MCC: variants seen among roughly 807,000 people sequenced by gnomAD.
MCC encodes the protein MCC regulator of Wnt signaling pathway.
In MCC, 90 loss-of-function variants were observed where a neutral mutation model predicts 116.2. The observed-to-expected ratio is 0.77, with a 90% CI of 0.65 to 0.92. MCC has a LOEUF of 0.92. MCC is among the 40% of genes least tolerant of loss of function. MCC has a pLI of 0.00. For missense variants in MCC, 1,516 were observed against 1,312.2 expected, an observed-to-expected ratio of 1.16 and a Z score of -2.40; for synonymous variants, 578 against 510.5, an observed-to-expected ratio of 1.13 and a Z score of -1.78.
At chr5:113,209,460 G>A (rs1763036009) in intron 3 of MCC, among the ~76,000 whole-genome samples, 1 of 152,168 alleles carries the variant, frequency 6.6e-6, no homozygotes, top group African/African-American at 2.4e-5. Flanking sequence ...GCCTACAGAG[G>A]AAATAGAAAG....
At chr5:113,208,264 G>A (rs939977796) in intron 3 of MCC, among the ~76,000 whole-genome samples, 1 of 152,104 alleles carries the variant, frequency 6.6e-6, no homozygotes, top group Non-Finnish European at 1.5e-5. Flanking sequence ...TTTGTAAGCT[G>A]GATAATTAGT....
At chr5:113,038,699 C>T (rs1751483523) in intron 17 of MCC, among the ~76,000 whole-genome samples, 1 of 151,942 alleles carries the variant, frequency 6.6e-6, no homozygotes, top group East Asian at 1.9e-4. Flanking sequence ...TGATCGATCA[C>T]ACTGACCAGA....
chr5:113,083,516 C>G (rs969280203), intron 10 of MCC, among the ~76,000 whole-genome samples: 2 of 152,206 alleles, frequency 1.3e-5, no homozygotes, highest in East Asian at 3.9e-4. Flanking sequence ...CTCTGAGGAT[C>G]AAATAGCTGG....
intron 17 of MCC, among the ~76,000 whole-genome samples, chr5:113,041,564 G>A (rs1222324687): frequency 6.6e-6 from 1 of 152,198 alleles, no homozygotes; most frequent in African/African-American, 2.4e-5. Context: ...GGTCAGATAC[G>A]CAGACTAGAG....
At position 113,243,290 on chromosome 5, in the gene MCC, A is replaced by G. The variant is rs556649052; in HGVS notation, c.628-91868T>C. Among the ~76,000 whole-genome samples, 10 of 152,300 alleles carry G rather than the reference A, an allele frequency of 6.6e-5. 1 individual carries two copies. In the South Asian group the frequency reaches 2.1e-3, roughly 32 times the overall value. ...CACATATAAATGGAAGGTAAAGACAAGATTATTTTATTAAAAGAAACAATT... is the reference window on the plus strand; with the variant it reads ...CACATATAAATGGAAGGTAAAGACAGGATTATTTTATTAAAAGAAACAATT... On this transcript the variant is annotated intron_variant, in intron 3 of 18. Coordinates refer to ENST00000408903, the MANE Select transcript of MCC (RefSeq NM_001085377.2).
intron 5 of MCC, among the ~76,000 whole-genome samples, chr5:113,126,772 G>T (rs1758075665): frequency 6.6e-6 from 1 of 152,182 alleles, no homozygotes; most frequent in African/African-American, 2.4e-5. Context: ...CAAGTCAACA[G>T]TAGACTATTA....
At chr5:113,291,533 C>T (rs189999522) in intron 3 of MCC, among the ~76,000 whole-genome samples, 547 of 152,298 alleles carry the variant, frequency 3.6e-3, no homozygotes, top group Non-Finnish European at 5.7e-3. Context: ...AGGATAATGG[C>T]AGGTATTTTC....
intron 3 of MCC, among the ~76,000 whole-genome samples, chr5:113,289,513 C>T (rs1365283667): frequency 6.6e-6 from 1 of 151,970 alleles, no homozygotes; most frequent in Non-Finnish European, 1.5e-5. Context: ...GCTGTTTTGA[C>T]CAACAGAACA....
intron 3 of MCC, among the ~76,000 whole-genome samples, chr5:113,261,017 T>C (rs1340751948): frequency 2.0e-5 from 3 of 152,204 alleles, no homozygotes; most frequent in Non-Finnish European, 2.9e-5. Context: ...TGATGAATTA[T>C]GTGGCCAATA....
chr5:113,358,025 TTC>T (rs1268078944), intron 2 of MCC, among the ~76,000 whole-genome samples: 2 of 152,194 alleles, frequency 1.3e-5, no homozygotes, highest in Non-Finnish European at 2.9e-5. Context: ...TTGCCTCCAT[TTC>T]TCACTCTGCC....
At chr5:113,134,341 G>A (rs1360439473) in intron 5 of MCC, among the ~76,000 whole-genome samples, 1 of 152,082 alleles carries the variant, frequency 6.6e-6, no homozygotes, top group Non-Finnish European at 1.5e-5. Flanking sequence ...TTCCCCCATT[G>A]TATGTTCTTG....
intron 3 of MCC, among the ~76,000 whole-genome samples, chr5:113,295,172 T>TA (rs112353235): frequency 0.014 from 1,859 of 132,034 alleles, 34 homozygotes; most frequent in African/African-American, 0.038. Flanking sequence ...TGCAGGAAAT[T>TA]AAAAAAAAAA....
At position 113,104,250 on chromosome 5, in the gene MCC, A is replaced by T. The variant is rs1581067691; in HGVS notation, c.1133T>A (p.Val378Glu). ...KSSCSLSVAEVDKHIEQLTTA... is the reference protein window; with the variant it reads ...KSSCSLSVAEEDKHIEQLTTA... The stretch of plus-strand genomic sequence containing the variant: ...GGTGAGCTGCTCAATGTGCTTGTCC[A>T]CCTCGGCCACGGAGAGGCTGCAGCT... Residue 378 changes from valine (V) to glutamate (E), a missense_variant, in exon 7 of 19, where the codon GTG (valine) becomes GAG (glutamate). Coordinates refer to ENST00000408903, the MANE Select transcript of MCC (RefSeq NM_001085377.2). 1 of 1,613,976 alleles carries T rather than the reference A, an allele frequency of 6.2e-7. No individual in the cohort carries two copies. Among genetic ancestry groups the T allele is most frequent in the Non-Finnish European group, 8.5e-7 (1 of 1,180,010 alleles).
chr5:113,293,040 G>A (rs1440131618), intron 3 of MCC, among the ~76,000 whole-genome samples: 1 of 152,160 alleles, frequency 6.6e-6, no homozygotes, highest in Non-Finnish European at 1.5e-5. Context: ...CAGCCGTTAA[G>A]GATTAGCAAA....
In MCC at chr5:113,244,878, C is replaced by T. The variant is rs187474707; in HGVS notation, c.628-93456G>A. On this transcript the variant is annotated intron_variant, in intron 3 of 18. Coordinates refer to ENST00000408903, the MANE Select transcript of MCC (RefSeq NM_001085377.2). Reference sequence around the variant, plus strand: ...TATATAAAATGAAAATCCACTATAACAAATTTGTCAAATAAAATCTGAGCT... The same window carrying T: ...TATATAAAATGAAAATCCACTATAATAAATTTGTCAAATAAAATCTGAGCT... Among the ~76,000 whole-genome samples the T allele has an allele frequency of 2.6e-5, 4 of 152,304 alleles. No homozygotes were observed. The East Asian group carries it at 7.7e-4, about 29-fold the overall frequency.
Position 113,488,327 on chromosome 5 carries a change from C to CGCTGCT in MCC, c.82_87dup (p.Ser28_Ser29dup), listed in dbSNP as rs577989080. On this transcript the variant is annotated inframe_insertion, in exon 1 of 19. Coordinates refer to ENST00000408903, the MANE Select transcript of MCC (RefSeq NM_001085377.2). ...TCCTCCTCGCCGGTGCTGGACGTGT[C>CGCTGCT]GCTGCTGCTGCTGCTGCTGCCGCTG... The CGCTGCT allele has an allele frequency of 2.5e-4, 386 of 1,519,464 alleles. No individual in the cohort carries two copies. The African/African-American group carries it at 4.1e-3, about 16-fold the overall frequency. The allele number at this position is 1,519,464 out of a possible 1,614,324, so 94.1% of individuals were successfully genotyped here.
intron 3 of MCC, among the ~76,000 whole-genome samples, chr5:113,174,956 G>A (rs191269893): frequency 2.0e-4 from 30 of 152,128 alleles, no homozygotes; most frequent in African/African-American, 7.0e-4. Context: ...ATGAGAAAAT[G>A]TTCACCACAT....
chr5:113,425,952 T>A (rs1210512788), intron 1 of MCC, among the ~76,000 whole-genome samples: 1 of 151,964 alleles, frequency 6.6e-6, no homozygotes, highest in African/African-American at 2.4e-5. Context: ...TAAGACATCA[T>A]CAAGTGAGTC....
At chr5:113,221,729 G>C (rs538671972) in intron 3 of MCC, among the ~76,000 whole-genome samples, 2 of 152,324 alleles carry the variant, frequency 1.3e-5, no homozygotes, top group African/African-American at 4.8e-5. Flanking sequence ...CAGTGCAAGA[G>C]GTCAGCTTCA....
Sources: allele counts gnomAD v4.1 joint callset (sites outside exome capture counted in the v4.1 genomes callset), GRCh38; gene constraint gnomAD v4.1.1; transcripts MANE v1.5; gene names NCBI Gene and HGNC (gene_info 2026-07-23, HGNC 2026-07-21).